The following STXBP6 variants were observed in gnomAD, a reference collection of about 807,000 sequenced individuals.
STXBP6 encodes syntaxin binding protein 6.
Under a neutral mutation model 26.9 loss-of-function variants are expected in STXBP6, and 21 were observed. The ratio of observed to expected loss-of-function variants is 0.78; its 90% confidence interval spans 0.55 to 1.12. The LOEUF (loss-of-function observed/expected upper bound fraction) is 1.12, where lower values mean the gene tolerates loss of function less well. Ranked by LOEUF, STXBP6 falls within the 50% of genes most tolerant of loss-of-function variation. STXBP6 has a pLI of 0.00. For missense variants in STXBP6, 232 were observed against 257.9 expected (o/e 0.90, Z 0.69); for synonymous variants, 97 against 92.6 (o/e 1.05, Z -0.27).
chr14:25,042,427 T>A (rs1205740720), intron 1 of STXBP6, among the ~76,000 whole-genome samples: 1 of 152,182 alleles, frequency 6.6e-6, no homozygotes, highest in Non-Finnish European at 1.5e-5. Flanking sequence ...TGTTCCTTAC[T>A]CCTTACCACA....
chr14:25,031,224 A>C (rs2075448236), intron 1 of STXBP6, among the ~76,000 whole-genome samples: 1 of 152,218 alleles, frequency 6.6e-6, no homozygotes, highest in Non-Finnish European at 1.5e-5. Context: ...AACTTCTAAG[A>C]GAGAATGACC....
intron 1 of STXBP6, among the ~76,000 whole-genome samples, chr14:24,982,462 C>T (rs959438416): frequency 3.9e-5 from 6 of 152,200 alleles, no homozygotes; most frequent in African/African-American, 1.4e-4. Context: ...CGCTTGCTCT[C>T]TTAGATGAAT....
At chr14:24,946,510 A>G (rs781082977) in intron 2 of STXBP6, among the ~76,000 whole-genome samples, 1 of 152,212 alleles carries the variant, frequency 6.6e-6, no homozygotes, top group Non-Finnish European at 1.5e-5. Flanking sequence ...AGGATTGACT[A>G]TGATGAATGC....
intron 1 of STXBP6, among the ~76,000 whole-genome samples, chr14:25,002,846 C>A (rs553911355): frequency 6.6e-6 from 1 of 152,170 alleles, no homozygotes; most frequent in African/African-American, 2.4e-5. Flanking sequence ...CCTGCCTCAG[C>A]CTTCCAAGTA....
intron 1 of STXBP6, among the ~76,000 whole-genome samples, chr14:24,994,620 A>G (rs2074554794): frequency 6.6e-6 from 1 of 152,200 alleles, no homozygotes; most frequent in Non-Finnish European, 1.5e-5. Context: ...CAGTAATAAT[A>G]CTACCTGTTA....
At chr14:24,979,434 A>C (rs2074129315) in intron 1 of STXBP6, among the ~76,000 whole-genome samples, 1 of 152,170 alleles carries the variant, frequency 6.6e-6, no homozygotes, top group African/African-American at 2.4e-5. Context: ...CTCTGGGGGG[A>C]AAATCAGCTA....
At chr14:24,830,455 G>A (rs1228606117) in intron 4 of STXBP6, among the ~76,000 whole-genome samples, 1 of 152,032 alleles carries the variant, frequency 6.6e-6, no homozygotes, top group Non-Finnish European at 1.5e-5. Flanking sequence ...TGAGAGGTGA[G>A]GGAAAAGGAA....
At chr14:24,956,906 A>G (rs887705535) in intron 2 of STXBP6, among the ~76,000 whole-genome samples, 18 of 152,086 alleles carry the variant, frequency 1.2e-4, no homozygotes, top group Non-Finnish European at 1.5e-5. Flanking sequence ...TCTTCACTTG[A>G]ACATACTGCT....
chr14:24,838,439 AC>A (rs1041889891), intron 4 of STXBP6, among the ~76,000 whole-genome samples: 1 of 152,122 alleles, frequency 6.6e-6, no homozygotes, highest in Non-Finnish European at 1.5e-5. Context: ...TAATCCGAGC[AC>A]TTTGGGAGGC....
chr14:24,903,798 A>T (rs891567559), intron 2 of STXBP6, among the ~76,000 whole-genome samples: 1 of 152,198 alleles, frequency 6.6e-6, no homozygotes, highest in Non-Finnish European at 1.5e-5. Flanking sequence ...ATTACATAAC[A>T]GTACTGAGTT....
chr14:24,996,017 T>G (rs951439517), intron 1 of STXBP6, among the ~76,000 whole-genome samples: 1 of 152,182 alleles, frequency 6.6e-6, no homozygotes, highest in Non-Finnish European at 1.5e-5. Flanking sequence ...TATATGTAGA[T>G]TTACTATATA....
chr14:24,845,283 A>G (rs2068923891), intron 4 of STXBP6, among the ~76,000 whole-genome samples: 1 of 152,178 alleles, frequency 6.6e-6, no homozygotes, highest in Non-Finnish European at 1.5e-5. Flanking sequence ...AAGTGCTGGG[A>G]TTACAGGCAT....
At position 24,811,588 on chromosome 14, in the gene STXBP6, T is replaced by C. The variant is rs1459988271; in HGVS notation, c.*1121A>G. The C allele has an allele frequency of 6.6e-6, 1 of 152,166 alleles. No homozygotes were observed. Among genetic ancestry groups the C allele is most frequent in the Admixed American group, 6.5e-5 (1 of 15,270 alleles). 9.4% of individuals were successfully genotyped at this position (152,166 alleles called of 1,614,324 possible). A position where few individuals can be genotyped will look rare whatever the true frequency, so the allele number is the denominator to read the frequency against. On this transcript the variant is annotated 3_prime_UTR_variant, in exon 6 of 6. Coordinates refer to ENST00000323944, the MANE Select transcript of STXBP6 (RefSeq NM_001394410.1). The stretch of plus-strand genomic sequence containing the variant: ...CTGACTGCAATGTAAAGGTTTGTGA[T>C]TGTGGTGTTTTATATCAGACCAGGC...
chr14:24,982,864 T>A (rs567216524), intron 1 of STXBP6, among the ~76,000 whole-genome samples: 1 of 152,348 alleles, frequency 6.6e-6, no homozygotes, highest in East Asian at 1.9e-4. Flanking sequence ...TACTACATCC[T>A]AACTTTCACA....
rs1039094621 is a variant in STXBP6 at position 25,049,365 on chromosome 14, A to G, written c.-33+513T>C. 2.0e-6 allele frequency: 2 copies of G among 985,316 alleles called. No individual in the cohort carries two copies. Among genetic ancestry groups the G allele is most frequent in the African/African-American group, 1.7e-5 (1 of 57,250 alleles). The allele number at this position is 985,316 out of a possible 1,614,324, so 61.0% of individuals were successfully genotyped here. ...GGGGGCAGGGTGCCGTGCCCGCCAG[A>G]AAAGCTCGCCTCAGTTTTGGCAGTA... On this transcript the variant is annotated intron_variant, in intron 1 of 5. Coordinates refer to ENST00000323944, the MANE Select transcript of STXBP6 (RefSeq NM_001394410.1). The surrounding 1 kb of genome is among the most constrained non-coding windows in gnomAD (Gnocchi z 5.6).
rs1428377883 is a variant in STXBP6 at position 24,907,524 on chromosome 14, T to A, written c.155-50367A>T. ...ACACCAACATGTTAGCATTTTGAAA[T>A]CAGAATTGCCATGAGAGAGTCTTTG... On this transcript the variant is annotated intron_variant, in intron 2 of 5. Transcript: ENST00000323944. 3.3e-5 allele frequency among the ~76,000 whole-genome samples: 5 copies of A among 152,320 alleles called. No homozygotes were observed. In the South Asian group the frequency reaches 1.0e-3, roughly 32 times the overall value.
chr14:24,907,240 A>C (rs2071413922), intron 2 of STXBP6, among the ~76,000 whole-genome samples: 1 of 152,204 alleles, frequency 6.6e-6, no homozygotes, highest in Admixed American at 6.5e-5. Context: ...TAATCATTAC[A>C]TATTGTACAC....
intron 2 of STXBP6, among the ~76,000 whole-genome samples, chr14:24,892,504 C>T (rs938096443): frequency 4.6e-5 from 7 of 152,120 alleles, no homozygotes; most frequent in African/African-American, 1.2e-4. Flanking sequence ...GAGTTGCATC[C>T]TTAGAAAGCA....
chr14:24,832,233 G>C (rs2068474839), intron 4 of STXBP6, among the ~76,000 whole-genome samples: 1 of 152,062 alleles, frequency 6.6e-6, no homozygotes, highest in Non-Finnish European at 1.5e-5. Context: ...TTTCAAGTTT[G>C]GGTCATTATT....
Sources: allele counts gnomAD v4.1 joint callset (sites outside exome capture counted in the v4.1 genomes callset), GRCh38; gene constraint gnomAD v4.1.1; non-coding constraint Gnocchi (gnomAD v3.1); transcripts MANE v1.5; gene names NCBI Gene and HGNC (gene_info 2026-07-23, HGNC 2026-07-21).